The following VIT variants were observed in gnomAD, a reference collection of about 807,000 sequenced individuals.
The protein encoded by VIT is vitrin.
A neutral mutation model predicts 78.0 loss-of-function variants in VIT; 99 were observed. That is an observed-to-expected ratio of 1.27 (90% CI 1.08 to 1.50). VIT has a LOEUF of 1.50. VIT is among the 40% of genes most tolerant of loss of function. The probability of loss-of-function intolerance (pLI) is 0.00; values close to 1 mark genes in which losing one functional copy is unlikely to be tolerated. For synonymous variants in VIT, 374 were observed against 334.3 expected (o/e 1.12, Z -1.29); for missense variants, 1,126 against 875.3 (o/e 1.29, Z -3.61).
chr2:36,767,228 G>T lies in VIT; in HGVS notation c.622G>T (p.Ala208Ser). ...TTLPRPSPSA[A>S]STTSIPRPQS... ...CTTGCCAAGGCCATCCCCTTCTGCT[G>T]CTTCTACCACCAGCATCCCCAGACC... Residue 208 changes from alanine to serine, a missense_variant, in exon 7 of 16, where the codon GCT (alanine) becomes TCT (serine). Transcript: ENST00000379242. 6.2e-7 allele frequency: 1 copy of T among 1,604,094 alleles called. No individual in the cohort carries two copies. The highest frequency in any genetic ancestry group is 8.5e-7 in the Non-Finnish European group (1 of 1,175,736).
intron 12 of VIT, among the ~76,000 whole-genome samples, chr2:36,800,551 T>G (rs1666248605): frequency 6.6e-6 from 1 of 152,198 alleles, no homozygotes; most frequent in Non-Finnish European, 1.5e-5. Context: ...AAGTCAGCGC[T>G]GCCTGTGGCT....
rs546429380 is a variant in VIT, at chr2:36,764,746, C to T, written c.488-2348C>T. Among the ~76,000 whole-genome samples, 10 of 152,212 alleles carry T rather than the reference C, an allele frequency of 6.6e-5. No individual in the cohort carries two copies. The South Asian group carries it at 1.9e-3, about 28-fold the overall frequency. ...TCAGTGCTGTGATTCCTGCAAAAGACGGCAGAGTCAGGGTGGGGAAATGAG... is the reference window on the plus strand; with the variant it reads ...TCAGTGCTGTGATTCCTGCAAAAGATGGCAGAGTCAGGGTGGGGAAATGAG... On this transcript the variant is annotated intron_variant, in intron 6 of 15. Transcript: ENST00000379242.
chr2:36,785,074 A>T (rs989701054), intron 11 of VIT, among the ~76,000 whole-genome samples: 1 of 152,248 alleles, frequency 6.6e-6, no homozygotes, highest in African/African-American at 2.4e-5. Flanking sequence ...ATCAAAATAG[A>T]TGCTACAATA....
intron 15 of VIT, among the ~76,000 whole-genome samples, chr2:36,809,875 C>T (rs1667022774): frequency 6.6e-6 from 1 of 151,894 alleles, no homozygotes; most frequent in Admixed American, 6.6e-5. Context: ...CCTATTATCC[C>T]AGCTACTCGG....
intron 2 of VIT, among the ~76,000 whole-genome samples, chr2:36,728,391 T>C (rs1666983742): frequency 6.6e-6 from 1 of 152,090 alleles, no homozygotes; most frequent in Non-Finnish European, 1.5e-5. Context: ...GGAAAGACAA[T>C]ATTTTTGTAC....
intron 5 of VIT, among the ~76,000 whole-genome samples, chr2:36,758,678 C>G (rs1668915726): frequency 6.6e-6 from 1 of 152,230 alleles, no homozygotes; most frequent in Admixed American, 6.5e-5. Context: ...AGATAAAAAC[C>G]TTCACTTCCA....
chr2:36,773,157 A>C (rs1669854610), intron 7 of VIT, among the ~76,000 whole-genome samples: 1 of 152,198 alleles, frequency 6.6e-6, no homozygotes, highest in African/African-American at 2.4e-5. Flanking sequence ...CTACTGAAGG[A>C]TTACTTCAAC....
chr2:36,723,575 G>C (rs1281057015), intron 2 of VIT, among the ~76,000 whole-genome samples: 1 of 152,050 alleles, frequency 6.6e-6, no homozygotes, highest in Non-Finnish European at 1.5e-5. Flanking sequence ...ATAGTTTCAA[G>C]CTTATTCATT....
chr2:36,812,023 C>T (rs1395856179), intron 15 of VIT, among the ~76,000 whole-genome samples: 1 of 152,088 alleles, frequency 6.6e-6, no homozygotes, highest in African/African-American at 2.4e-5. Context: ...TTAAGGGCAA[C>T]CTCTCCATCT....
intron 1 of VIT, among the ~76,000 whole-genome samples, chr2:36,697,611 G>A (rs1664759802): frequency 6.6e-6 from 1 of 152,200 alleles, no homozygotes; most frequent in Non-Finnish European, 1.5e-5. Context: ...GCTTTTCACA[G>A]GAAGACAGGA....
At chr2:36,749,308 G>C (rs1260004050) in intron 4 of VIT, among the ~76,000 whole-genome samples, 1 of 152,120 alleles carries the variant, frequency 6.6e-6, no homozygotes, top group Admixed American at 6.6e-5. Context: ...AAGGGTGACA[G>C]GTAATACCAC....
chr2:36,786,760 C>T (rs1007424727), intron 11 of VIT, among the ~76,000 whole-genome samples: 13 of 152,220 alleles, frequency 8.5e-5, no homozygotes, highest in Non-Finnish European at 1.2e-4. Context: ...AAAAGCCACA[C>T]GCTCTTGCGA....
At position 36,772,483 on chromosome 2, in the gene VIT, C is replaced by T. The variant is rs1417039863; in HGVS notation, c.680-1308C>T. Among the ~76,000 whole-genome samples, 3 of 152,052 alleles carry T rather than the reference C, an allele frequency of 2.0e-5. No homozygotes were observed. The East Asian group carries it at 5.8e-4, about 29-fold the overall frequency. On this transcript the variant is annotated intron_variant, in intron 7 of 15. Transcript: ENST00000379242. ...CTGGAAGGCGGAGGTTGTGGGGAGC[C>T]GAGATCATGCCATTGCACTCCAGCC...
At chr2:36,795,534 T>G (rs983772519) in intron 12 of VIT, among the ~76,000 whole-genome samples, 1 of 151,990 alleles carries the variant, frequency 6.6e-6, no homozygotes, top group South Asian at 2.1e-4. Context: ...TGTCTCAGCC[T>G]CCCGAGTAGC....
chr2:36,771,074 A>C (rs1669721543), intron 7 of VIT, among the ~76,000 whole-genome samples: 1 of 152,214 alleles, frequency 6.6e-6, no homozygotes, highest in African/African-American at 2.4e-5. Flanking sequence ...CACCAGTGAA[A>C]GCTTATCTTC....
At chr2:36,760,883 A>G (rs1669075984) in intron 6 of VIT, among the ~76,000 whole-genome samples, 1 of 152,104 alleles carries the variant, frequency 6.6e-6, no homozygotes, top group African/African-American at 2.4e-5. Context: ...GAGAACTGGG[A>G]TGGGGTGAGG....
chr2:36,746,311 T>G (rs1052303022), intron 4 of VIT, among the ~76,000 whole-genome samples: 82 of 152,144 alleles, frequency 5.4e-4, no homozygotes, highest in African/African-American at 2.0e-3. Context: ...CAGGATGATG[T>G]TGGCTTCTTA....
chr2:36,722,109 A>C (rs1294049833), intron 2 of VIT, among the ~76,000 whole-genome samples: 2 of 152,254 alleles, frequency 1.3e-5, no homozygotes, highest in Non-Finnish European at 2.9e-5. Flanking sequence ...AATTAATGTC[A>C]ATTAAGTGTT....
At chr2:36,704,860 A>G (rs904545015) in intron 1 of VIT, among the ~76,000 whole-genome samples, 3 of 151,948 alleles carry the variant, frequency 2.0e-5, no homozygotes, top group Non-Finnish European at 2.9e-5. Flanking sequence ...CTTCCTTCCT[A>G]TCTCAGCTGG....
Sources: gnomAD v4.1 joint callset for allele counts (sites outside exome capture counted in the v4.1 genomes callset) on GRCh38, gnomAD v4.1.1 for gene constraint, MANE v1.5 for transcripts, NCBI Gene and HGNC (gene_info 2026-07-23, HGNC 2026-07-21) for gene names.